Variants in WNT7A observed in about 807,000 individuals in gnomAD.
WNT7A encodes the protein protein Wnt-7a.
In WNT7A, 16 loss-of-function variants were observed where a neutral mutation model predicts 28.2. That is an observed-to-expected ratio of 0.57 (90% CI 0.38 to 0.86). WNT7A has a LOEUF of 0.86. Among genes scored for constraint, WNT7A ranks in the 40% least tolerant of loss-of-function variants. The pLI, the probability that WNT7A is intolerant of heterozygous loss-of-function variation, is 0.00. For synonymous variants in WNT7A, 190 were observed against 195.9 expected (o/e 0.97, Z 0.25); for missense variants, 411 against 489.7 (o/e 0.84, Z 1.52).
At chr3:13,856,140 G>A (rs906210970) in intron 2 of WNT7A, among the ~76,000 whole-genome samples, 1 of 152,154 alleles carries the variant, frequency 6.6e-6, no homozygotes, top group Non-Finnish European at 1.5e-5. Flanking sequence ...TGCCAGGGCT[G>A]TCTTTGCCGT....
chr3:13,834,265 G>A (rs1289673379), intron 3 of WNT7A, among the ~76,000 whole-genome samples: 1 of 152,134 alleles, frequency 6.6e-6, no homozygotes, highest in East Asian at 1.9e-4. Flanking sequence ...ACAGTCATGT[G>A]TGGGTGAAAT....
chr3:13,849,967 C>A (rs1233688571), intron 3 of WNT7A, among the ~76,000 whole-genome samples: 1 of 152,164 alleles, frequency 6.6e-6, no homozygotes, highest in Non-Finnish European at 1.5e-5. Flanking sequence ...CATTCCCCAG[C>A]CCACATGTCA....
At chr3:13,828,693 G>A (rs1342613564) in intron 3 of WNT7A, among the ~76,000 whole-genome samples, 1 of 152,182 alleles carries the variant, frequency 6.6e-6, no homozygotes, top group Non-Finnish European at 1.5e-5. Context: ...GGCTCGTTGA[G>A]TATCTGCTGC....
chr3:13,819,252 G>A lies in WNT7A; in HGVS notation c.742C>T (p.Arg248Trp), dbSNP rs1694071216. The change falls in exon 4 of 4, where the codon CGG becomes TGG. Residue 248 changes from arginine to tryptophan, a missense_variant. By Grantham distance (101) the Arg-to-Trp change is moderately radical. Coordinates refer to ENST00000285018, the MANE Select transcript of WNT7A (RefSeq NM_004625.4). The stretch of plus-strand genomic sequence containing the variant: ...TTCTTGATCTTCAGGAAGGTGGGCC[G>A]CTTGTTGCGGCTGGCACGCACAGGC... ...VEPVRASRNK[R>W]PTFLKIKKPL... The A allele has an allele frequency of 3.7e-6, 6 of 1,614,256 alleles. No individual in the cohort carries two copies. The East Asian group carries it at 1.1e-4, about 30-fold the overall frequency.
intron 3 of WNT7A, among the ~76,000 whole-genome samples, chr3:13,831,048 T>A (rs1409559053): frequency 2.0e-5 from 3 of 152,132 alleles, no homozygotes; most frequent in Non-Finnish European, 4.4e-5. Context: ...TGTGATTATG[T>A]AGGATTGTGC....
intron 2 of WNT7A, among the ~76,000 whole-genome samples, chr3:13,872,301 G>A (rs1201974859): frequency 1.3e-5 from 2 of 152,048 alleles, no homozygotes; most frequent in East Asian, 1.9e-4. Flanking sequence ...CCTGACCCTC[G>A]TTGGGAGTCC....
chr3:13,872,855 G>A (rs1313495447), intron 2 of WNT7A, among the ~76,000 whole-genome samples: 1 of 152,114 alleles, frequency 6.6e-6, no homozygotes, highest in Non-Finnish European at 1.5e-5. Flanking sequence ...AAATTATACG[G>A]GAATGAACCC....
rs73814725 is a variant in WNT7A, at chr3:13,858,388, C to T, written c.299-3585G>A. Reference sequence around the variant, plus strand: ...CAGCCCAAGACTCCTGTGGTAATTTCGTGTGTCCTCTGCTCTACAGCCCAG... The same window carrying T: ...CAGCCCAAGACTCCTGTGGTAATTTTGTGTGTCCTCTGCTCTACAGCCCAG... On this transcript the variant is annotated intron_variant, in intron 2 of 3. Transcript: ENST00000285018. Among the ~76,000 whole-genome samples the T allele has an allele frequency of 6.2e-3, 943 of 152,316 alleles. 16 individuals are homozygous for T. Among genetic ancestry groups the T allele is most frequent in the African/African-American group, 0.021 (859 of 41,574 alleles).
chr3:13,864,733 C>A lies in WNT7A; in HGVS notation c.299-9930G>T, dbSNP rs112585341. On this transcript the variant is annotated intron_variant, in intron 2 of 3. Transcript: ENST00000285018. ...GAACATTTAACTTCCATAAATTGAA[C>A]CAAATGTACCAGAAAAAAATTAAAA... Among the ~76,000 whole-genome samples the A allele has an allele frequency of 2.1e-4, 32 of 152,182 alleles. 2 individuals are homozygous for A. Among genetic ancestry groups the A allele is most frequent in the African/African-American group, 7.5e-4 (31 of 41,510 alleles).
At chr3:13,852,594 G>A (rs112004627) in intron 3 of WNT7A, among the ~76,000 whole-genome samples, 62 of 152,314 alleles carry the variant, frequency 4.1e-4, no homozygotes, top group African/African-American at 1.2e-3. Flanking sequence ...AGCAGCTGGC[G>A]GCTGTCTTTG....
chr3:13,843,204 A>G (rs1275784590), intron 3 of WNT7A, among the ~76,000 whole-genome samples: 1 of 152,224 alleles, frequency 6.6e-6, no homozygotes, highest in African/African-American at 2.4e-5. Flanking sequence ...ATAAGATGTA[A>G]GAATTAAAAC....
intron 2 of WNT7A, among the ~76,000 whole-genome samples, chr3:13,860,900 T>G (rs138643709): frequency 1.8e-4 from 28 of 151,384 alleles, no homozygotes; most frequent in African/African-American, 6.4e-4. Context: ...ATATAGTACA[T>G]AAAAAGCTGA....
Position 13,843,746 on chromosome 3 carries a change from C to CT in WNT7A, c.570+10785dup, listed in dbSNP as rs112080494. ...TGTTTTACCAATGTCATGTTGGAAT[C>CT]TTTTTTTTTTTTTCCCCTGAGATGG... On this transcript the variant is annotated intron_variant, in intron 3 of 3. Transcript: ENST00000285018. Among the ~76,000 whole-genome samples the CT allele has an allele frequency of 6.9e-3, 1,005 of 145,762 alleles. 7 individuals are homozygous for CT. Among genetic ancestry groups the CT allele is most frequent in the African/African-American group, 0.018 (731 of 39,858 alleles).
intron 1 of WNT7A, among the ~76,000 whole-genome samples, chr3:13,878,006 G>T (rs1003162136): frequency 6.6e-6 from 1 of 152,168 alleles, no homozygotes; most frequent in Admixed American, 6.5e-5. Context: ...AGCCCGAGGC[G>T]CAGGGAGCAG....
chr3:13,869,438 G>A (rs200393524), intron 2 of WNT7A, among the ~76,000 whole-genome samples: 9 of 59,592 alleles, frequency 1.5e-4, no homozygotes, highest in Non-Finnish European at 2.1e-4. Flanking sequence ...AAAGAAGAAA[G>A]AAAAGAAAAA....
intron 3 of WNT7A, 22 bp downstream of exon 3, chr3:13,854,510 G>A: frequency 6.2e-7 from 1 of 1,613,864 alleles, no homozygotes; most frequent in Non-Finnish European, 8.5e-7. Flanking sequence ...GCGCCGCCCA[G>A]CTGCCCTCCC....
At chr3:13,863,068 T>C (rs1694855526) in intron 2 of WNT7A, among the ~76,000 whole-genome samples, 1 of 152,186 alleles carries the variant, frequency 6.6e-6, no homozygotes, top group Non-Finnish European at 1.5e-5. Context: ...GAATACAAAA[T>C]GTCTACCTCC....
intron 2 of WNT7A, among the ~76,000 whole-genome samples, chr3:13,862,513 G>A (rs1486672710): frequency 6.6e-6 from 1 of 152,256 alleles, no homozygotes; most frequent in Non-Finnish European, 1.5e-5. Flanking sequence ...ATATGATTTG[G>A]AAAATATACA....
intron 3 of WNT7A, among the ~76,000 whole-genome samples, chr3:13,835,981 A>AT (rs1285269597): frequency 6.6e-6 from 1 of 152,186 alleles, no homozygotes; most frequent in Non-Finnish European, 1.5e-5. Context: ...GGAAATCCAT[A>AT]GAGACAGAGA....
Sources: gnomAD v4.1 joint callset for allele counts (sites outside exome capture counted in the v4.1 genomes callset) on GRCh38, gnomAD v4.1.1 for gene constraint, MANE v1.5 for transcripts, NCBI Gene and HGNC (gene_info 2026-07-23, HGNC 2026-07-21) for gene names.